Variants in EXOSC10 observed in about 807,000 individuals in gnomAD.
EXOSC10 encodes the protein exosome component 10, also known as exosome complex component 10.
EXOSC10 carries 94 observed loss-of-function variants against 126.6 expected under a neutral mutation model. The observed-to-expected ratio is 0.74, with a 90% CI of 0.63 to 0.88. The LOEUF is 0.88. EXOSC10 is among the 40% of genes least tolerant of loss of function. EXOSC10 has a pLI of 0.00. For synonymous variants in EXOSC10, 395 were observed against 400.8 expected (o/e 0.99, Z 0.17); for missense variants, 1,041 against 1,100.5 (o/e 0.95, Z 0.77).
chr1:11,069,557 AC>A lies in EXOSC10; in HGVS notation c.2488+1del, dbSNP rs1474602139. 2 of 1,611,658 alleles carry A rather than the reference AC, an allele frequency of 1.2e-6. No individual in the cohort carries two copies. Among genetic ancestry groups the A allele is most frequent in the Admixed American group, 3.4e-5 (2 of 59,322 alleles). On this transcript the variant is annotated splice_donor_variant, in intron 22 of 24. Coordinates refer to ENST00000376936, the MANE Select transcript of EXOSC10 (RefSeq NM_001001998.3). LOFTEE classifies it high-confidence loss of function. Reference sequence around the variant, plus strand: ...CTGTATGGGGCCCCATTACTTCCTCACCAGCAAAAGCCTTGAAGTCTGACTG... The same window carrying A: ...CTGTATGGGGCCCCATTACTTCCTCACAGCAAAAGCCTTGAAGTCTGACTG...
intron 14 of EXOSC10, among the ~76,000 whole-genome samples, chr1:11,078,384 A>C (rs1639944404): frequency 6.6e-6 from 1 of 151,232 alleles, no homozygotes; most frequent in South Asian, 2.1e-4. Context: ...CAGCCTCCCA[A>C]GTAGCTGGGA....
chr1:11,070,505 G>A (rs1323034553), intron 21 of EXOSC10, among the ~76,000 whole-genome samples: 2 of 130,346 alleles, frequency 1.5e-5, no homozygotes, highest in Admixed American at 1.7e-4. Flanking sequence ...CTGTGCAACA[G>A]AGGTAGACAC....
At chr1:11,096,438 A>C (rs1641092050) in intron 2 of EXOSC10, among the ~76,000 whole-genome samples, 1 of 149,228 alleles carries the variant, frequency 6.7e-6, no homozygotes, top group Non-Finnish European at 1.5e-5. Flanking sequence ...GGTGTGAGCC[A>C]TGAGCCCAGC....
chr1:11,076,925 C>G lies in EXOSC10; in HGVS notation c.1903G>C (p.Ala635Pro). ...TSGSVPVQKQ[A>P]SLFPDEKEDN... ...TCTTTTTCATCAGGGAAGAGGCTCG[C>G]CTGCTTCTGAACTGGCACAGATCCT... The change falls in exon 17 of 25, where the codon GCG becomes CCG. Residue 635 changes from alanine to proline, a missense_variant. Physicochemically the swap from Ala to Pro is conservative, Grantham distance 27. Around this residue, in one of 3 missense-constraint regions of EXOSC10, gnomAD observed 388 missense variants for 415.2 expected, o/e 0.93. Transcript: ENST00000376936. 6.2e-7 allele frequency: 1 copy of G among 1,613,852 alleles called. No homozygotes were observed. The highest frequency in any genetic ancestry group is 8.5e-7 in the Non-Finnish European group (1 of 1,179,988).
At chr1:11,085,525 G>A (rs1387700770) in intron 9 of EXOSC10, among the ~76,000 whole-genome samples, 1 of 152,144 alleles carries the variant, frequency 6.6e-6, no homozygotes, top group Admixed American at 6.5e-5. Flanking sequence ...TTTGGGCTGA[G>A]ACAATGGGGT....
Position 11,088,212 on chromosome 1 carries a change from AC to A in EXOSC10, c.759-15del. The A allele has an allele frequency of 6.3e-7, 1 of 1,582,772 alleles. No homozygotes were observed. Reference sequence around the variant, plus strand: ...GGATGTGCAAACCTGAGTAAATAAAACAAAAAGAGAAATCATTCTGATTAAT... The same window carrying A: ...GGATGTGCAAACCTGAGTAAATAAAAAAAAAGAGAAATCATTCTGATTAAT... On this transcript the variant is annotated splice_polypyrimidine_tract_variant and intron_variant, in intron 6 of 24. Transcript: ENST00000376936.
intron 9 of EXOSC10, among the ~76,000 whole-genome samples, chr1:11,083,562 C>CAAAAAAAAAAAAAAAAAAAAAAAAAAAAA (rs35412224): frequency 3.0e-5 from 2 of 65,864 alleles, no homozygotes; most frequent in African/African-American, 6.7e-5. Context: ...AACTCCGTCT[C>CAAAAAAAAAAAAAAAAAAAAAAAAAAAAA]AAAAAAAAAA....
At chr1:11,078,448 G>A (rs1013542669) in intron 14 of EXOSC10, among the ~76,000 whole-genome samples, 5 of 151,774 alleles carry the variant, frequency 3.3e-5, no homozygotes, top group African/African-American at 4.8e-5. Context: ...TAGTAGAGAC[G>A]GGGTTTCACC....
In EXOSC10 at chr1:11,080,385, A is replaced by T. The variant is rs898956229; in HGVS notation, c.1637+114T>A. On this transcript the variant is annotated intron_variant, in intron 13 of 24. Coordinates refer to ENST00000376936, the MANE Select transcript of EXOSC10 (RefSeq NM_001001998.3). The stretch of plus-strand genomic sequence containing the variant: ...TCAACTTGCTACCTTCCAAGCTTGG[A>T]GCATTAATCTCTGAGTAAGCAGCCT... The T allele has an allele frequency of 1.5e-5, 19 of 1,294,468 alleles. No individual in the cohort carries two copies. The African/African-American group carries it at 2.5e-4, about 17-fold the overall frequency. The allele number at this position is 1,294,468 out of a possible 1,614,324, so 80.2% of individuals were successfully genotyped here. A position where few individuals can be genotyped will look rare whatever the true frequency, so the allele number is the denominator to read the frequency against.
chr1:11,077,947 T>C (rs1056251160), intron 14 of EXOSC10, among the ~76,000 whole-genome samples: 1 of 152,096 alleles, frequency 6.6e-6, no homozygotes, highest in Non-Finnish European at 1.5e-5. Context: ...TTGGACAAAG[T>C]ACAGAGCTTA....
At chr1:11,078,064 C>T (rs1026416569) in intron 14 of EXOSC10, among the ~76,000 whole-genome samples, 5 of 151,918 alleles carry the variant, frequency 3.3e-5, no homozygotes, top group East Asian at 1.9e-4. Flanking sequence ...CTTGAGCCCA[C>T]GGGTTCAAGA....
At chr1:11,082,927 T>C in intron 9 of EXOSC10, 49 bp from the exon 10 acceptor site, 2 of 1,443,756 alleles carry the variant, frequency 1.4e-6, no homozygotes, top group Non-Finnish European at 1.9e-6. Context: ...AGGCCACTCA[T>C]GCTCAGAAAT....
At chr1:11,078,459 G>A (rs1020870885) in intron 14 of EXOSC10, among the ~76,000 whole-genome samples, 3 of 151,676 alleles carry the variant, frequency 2.0e-5, no homozygotes, top group Non-Finnish European at 2.9e-5. Context: ...GGGTTTCACC[G>A]TTTTAGCCGG....
chr1:11,077,916 G>A (rs1484965134), intron 14 of EXOSC10, among the ~76,000 whole-genome samples: 2 of 152,150 alleles, frequency 1.3e-5, no homozygotes, highest in Non-Finnish European at 2.9e-5. Context: ...CTCTTCTCTA[G>A]TAATCAAGGT....
chr1:11,068,141 G>T, intron 23 of EXOSC10, 57 bp from the exon 24 acceptor site: 1 of 1,416,336 alleles, frequency 7.1e-7, no homozygotes, highest in South Asian at 1.2e-5. Context: ...AAGATACACA[G>T]AAAAACACAC....
rs768012894 is a variant in EXOSC10, at chr1:11,072,189, A to T, written c.2158-18T>A. On this transcript the variant is annotated intron_variant, in intron 19 of 24. Coordinates refer to ENST00000376936, the MANE Select transcript of EXOSC10 (RefSeq NM_001001998.3). ...TTGCTGATCTATAATGAAAGCAAAT[A>T]TAACAAAAAAAACCCTCCAAAGTCA... 1.7e-5 allele frequency: 27 copies of T among 1,590,714 alleles called. No individual in the cohort carries two copies. The highest frequency in any genetic ancestry group is 2.2e-5 in the Non-Finnish European group (26 of 1,166,348).
chr1:11,077,135 G>A (rs1376814045), intron 16 of EXOSC10, 187 bp from the exon 17 acceptor site: 3 of 621,428 alleles, frequency 4.8e-6, no homozygotes, highest in Non-Finnish European at 8.4e-6. Context: ...AAGATTACAG[G>A]TGCCCACCAC....
chr1:11,081,820 C>T (rs190132300), intron 10 of EXOSC10, among the ~76,000 whole-genome samples: 9 of 152,074 alleles, frequency 5.9e-5, no homozygotes, highest in Admixed American at 4.6e-4. Context: ...CGGTGGCTCA[C>T]GCCTGTAATC....
At chr1:11,098,282 G>A in intron 1 of EXOSC10, 126 bp from the exon 2 acceptor site, 1 of 1,153,138 alleles carries the variant, frequency 8.7e-7, no homozygotes, top group Non-Finnish European at 1.2e-6. Context: ...CTCATTTAGT[G>A]CCAAACCCCA....
Sources: allele counts gnomAD v4.1 joint callset (sites outside exome capture counted in the v4.1 genomes callset), GRCh38; gene constraint gnomAD v4.1.1; regional missense constraint gnomAD v4.1.1; transcripts MANE v1.5; gene names NCBI Gene and HGNC (gene_info 2026-07-23, HGNC 2026-07-21).